REPS2: variants seen among roughly 807,000 people sequenced by gnomAD.
REPS2 encodes RALBP1 associated Eps domain containing 2.
Under a neutral mutation model 53.6 loss-of-function variants are expected in REPS2, and 23 were observed. That is an observed-to-expected ratio of 0.43 (90% CI 0.31 to 0.61). The LOEUF (loss-of-function observed/expected upper bound fraction) is 0.61, where lower values mean the gene tolerates loss of function less well. Ranked by LOEUF, REPS2 falls within the 20% of genes least tolerant of loss-of-function variation. The pLI, the probability that REPS2 is intolerant of heterozygous loss-of-function variation, is 0.11. For synonymous variants in REPS2, 238 were observed against 218.6 expected, an observed-to-expected ratio of 1.09 and a Z score of -0.78; for missense variants, 446 against 534.9, an observed-to-expected ratio of 0.83 and a Z score of 1.64.
At chrX:17,023,427 CAAAA>C (rs11304206) in intron 3 of REPS2, among the ~76,000 whole-genome samples, 1 of 86,645 alleles carries the variant, frequency 1.2e-5, no homozygotes. Context: ...GACTGTGTCT[CAAAA>C]AAAAAAAAAA....
intron 17 of REPS2, 49 bp downstream of exon 17, chrX:17,139,010 T>TA: frequency 1.2e-6 from 1 of 862,744 alleles, no homozygotes; most frequent in Non-Finnish European, 1.6e-6. Context: ...CCCTGGCTTT[T>TA]AAAAAGCTTT....
At chrX:17,129,518 G>A (rs1382779384) in intron 14 of REPS2, among the ~76,000 whole-genome samples, 1 of 111,692 alleles carries the variant, frequency 9.0e-6, no homozygotes, top group East Asian at 2.8e-4. Context: ...TCAATTTAGG[G>A]GATTGATGGT....
intron 6 of REPS2, among the ~76,000 whole-genome samples, chrX:17,050,446 T>C (rs969814988): frequency 8.3e-5 from 9 of 108,510 alleles, no homozygotes; most frequent in African/African-American, 2.4e-4. Flanking sequence ...TAGTTACTAT[T>C]GTGTCCCAAC....
chrX:17,101,753 C>G (rs946866080), intron 13 of REPS2, among the ~76,000 whole-genome samples: 3 of 111,981 alleles, frequency 2.7e-5, no homozygotes, highest in African/African-American at 9.7e-5. Context: ...GTTGGTTCCT[C>G]TCTCTCAGGG....
chrX:17,013,624 CTGTGTGTGTGTGTGTGTGTG>C (rs10559340), intron 2 of REPS2, among the ~76,000 whole-genome samples: 18 of 100,173 alleles, frequency 1.8e-4, no homozygotes, highest in African/African-American at 5.1e-4. Flanking sequence ...GTAGCTGGCT[CTGTGTGTGTGTGTGTGTGTG>C]TGTGTGTGTG....
intron 12 of REPS2, among the ~76,000 whole-genome samples, chrX:17,076,549 A>G (rs1241700909): frequency 8.9e-6 from 1 of 112,308 alleles, no homozygotes; most frequent in Non-Finnish European, 1.9e-5. Flanking sequence ...AATGGGATAT[A>G]GAAACAGAGA....
At chrX:17,101,252 TG>T (rs1265961221) in intron 13 of REPS2, among the ~76,000 whole-genome samples, 4 of 108,749 alleles carry the variant, frequency 3.7e-5, no homozygotes, top group Non-Finnish European at 7.6e-5. Context: ...TTAGTAGAGA[TG>T]GGGTTTCACT....
chrX:17,102,214 T>G (rs925133852), intron 13 of REPS2, among the ~76,000 whole-genome samples: 5 of 110,772 alleles, frequency 4.5e-5, no homozygotes, highest in Admixed American at 3.9e-4. Flanking sequence ...CCCAAGTAGC[T>G]GGGACTACAG....
intron 13 of REPS2, among the ~76,000 whole-genome samples, chrX:17,100,418 G>A (rs1447222875): frequency 2.7e-5 from 3 of 112,564 alleles, no homozygotes; most frequent in East Asian, 2.8e-4. Flanking sequence ...GGGCAGTGGC[G>A]CTCAGAAAAG....
the REPS2 span, among the ~76,000 whole-genome samples, chrX:17,174,258 A>G: frequency 8.9e-6 from 1 of 111,986 alleles, no homozygotes; most frequent in African/African-American, 3.2e-5. Context: ...TTTGTCAAAT[A>G]GGGTTAACAG....
intron 2 of REPS2, among the ~76,000 whole-genome samples, chrX:17,010,699 T>G: frequency 9.0e-6 from 1 of 111,381 alleles, no homozygotes; most frequent in Middle Eastern, 4.6e-3. Flanking sequence ...AATGAAGAGG[T>G]GCATGTCTAC....
the REPS2 span, among the ~76,000 whole-genome samples, chrX:17,161,877 C>T: frequency 3.7e-4 from 42 of 112,009 alleles, no homozygotes; most frequent in East Asian, 7.1e-3. Context: ...TTTCTGATCT[C>T]TCCAAGCATT....
chrX:16,977,967 G>C (rs757420080), intron 1 of REPS2, among the ~76,000 whole-genome samples: 1 of 111,184 alleles, frequency 9.0e-6, no homozygotes, highest in Non-Finnish European at 1.9e-5. Context: ...CTCAGTGTCT[G>C]TGGCCAGTCT....
intron 1 of REPS2, among the ~76,000 whole-genome samples, chrX:16,984,205 A>G (rs778021804): frequency 2.7e-5 from 3 of 112,088 alleles, no homozygotes; most frequent in African/African-American, 9.7e-5. Flanking sequence ...TGAAGACCTG[A>G]TTGGAGCAGG....
At chrX:16,995,495 G>A (rs192823475) in intron 1 of REPS2, among the ~76,000 whole-genome samples, 4 of 111,959 alleles carry the variant, frequency 3.6e-5, no homozygotes, top group African/African-American at 1.3e-4. Context: ...TCTATATAGG[G>A]TTCATTTAAA....
rs1013704560 is a variant in REPS2, at chrX:16,950,724, G to A, written c.273+3590G>A. ...TTTTACACTTCAGAGTTTTTATTTGGTTGAGAAAAGACTTGAAATATAACA... is the reference window on the plus strand; with the variant it reads ...TTTTACACTTCAGAGTTTTTATTTGATTGAGAAAAGACTTGAAATATAACA... On this transcript the variant is annotated intron_variant, in intron 1 of 17. Transcript: ENST00000357277. Among the ~76,000 whole-genome samples, 5 of 112,547 alleles carry A rather than the reference G, an allele frequency of 4.4e-5. No homozygotes were observed. The East Asian group carries it at 1.4e-3, about 31-fold the overall frequency.
chrX:16,968,572 C>T (rs1237970451), intron 1 of REPS2, among the ~76,000 whole-genome samples: 17 of 103,110 alleles, frequency 1.6e-4, no homozygotes, highest in African/African-American at 6.0e-4. Flanking sequence ...CAGAGGGGCT[C>T]CTCACTTCCC....
intron 13 of REPS2, among the ~76,000 whole-genome samples, chrX:17,101,106 T>C (rs1466526427): frequency 2.0e-5 from 2 of 101,541 alleles, no homozygotes; most frequent in African/African-American, 7.3e-5. Flanking sequence ...CAGGCTGGAG[T>C]GCAGTGGTGT....
At chrX:16,963,623 T>G (rs937988578) in intron 1 of REPS2, among the ~76,000 whole-genome samples, 1 of 112,525 alleles carries the variant, frequency 8.9e-6, no homozygotes, top group African/African-American at 3.2e-5. Context: ...ATTACAAGCC[T>G]TCCTTTGCAG....
Sources: gnomAD v4.1 joint callset for allele counts (sites outside exome capture counted in the v4.1 genomes callset) on GRCh38, gnomAD v4.1.1 for gene constraint, MANE v1.5 for transcripts, NCBI Gene and HGNC (gene_info 2026-07-23, HGNC 2026-07-21) for gene names.